USP37: variants seen among roughly 807,000 people sequenced by gnomAD.
USP37 encodes ubiquitin carboxyl-terminal hydrolase 37.
In USP37, 27 loss-of-function variants were observed where a neutral mutation model predicts 124.0. The observed-to-expected ratio is 0.22, with a 90% CI of 0.16 to 0.30. USP37 has a LOEUF of 0.30. Ranked by LOEUF, USP37 falls within the 10% of genes least tolerant of loss-of-function variation. The probability of loss-of-function intolerance (pLI) is 1.00; values close to 1 mark genes in which losing one functional copy is unlikely to be tolerated. For missense variants in USP37, 889 were observed against 1,140.4 expected, an observed-to-expected ratio of 0.78 and a Z score of 3.17; for synonymous variants, 365 against 388.0, an observed-to-expected ratio of 0.94 and a Z score of 0.70.
At chr2:218,539,595 G>A (rs1452491429) in intron 8 of USP37, among the ~76,000 whole-genome samples, 2 of 151,948 alleles carry the variant, frequency 1.3e-5, no homozygotes, top group African/African-American at 4.8e-5. Flanking sequence ...AATGCCTGTA[G>A]TCCCAGCTGC....
intron 25 of USP37, 30 bp from the exon 26 acceptor site, chr2:218,455,047 T>G (rs780310049): frequency 1.2e-6 from 2 of 1,611,350 alleles, no homozygotes; most frequent in African/African-American, 1.3e-5. Context: ...AAAATAAAAC[T>G]GGAAATTTAG....
At chr2:218,535,401 G>A (rs1323382029) in intron 8 of USP37, among the ~76,000 whole-genome samples, 1 of 149,806 alleles carries the variant, frequency 6.7e-6, no homozygotes, top group Non-Finnish European at 1.5e-5. Flanking sequence ...AAGCTTGGCA[G>A]TTTATAGGTT....
At chr2:218,567,924 A>G (rs1188404489) in intron 1 of USP37, among the ~76,000 whole-genome samples, 5 of 152,162 alleles carry the variant, frequency 3.3e-5, no homozygotes, top group Admixed American at 1.3e-4. Flanking sequence ...CAACAGCCCC[A>G]GAGAAAAGGG....
At chr2:218,469,526 CG>C (rs770383890) in intron 20 of USP37, among the ~76,000 whole-genome samples, 2 of 152,096 alleles carry the variant, frequency 1.3e-5, no homozygotes, top group East Asian at 3.9e-4. Flanking sequence ...TACTCAAAAA[CG>C]TGACAGAATA....
At chr2:218,545,854 A>G (rs1692290018) in intron 8 of USP37, among the ~76,000 whole-genome samples, 1 of 151,918 alleles carries the variant, frequency 6.6e-6, no homozygotes, top group African/African-American at 2.4e-5. Flanking sequence ...TTACATGAGT[A>G]AAATGAAAAA....
chr2:218,468,257 T>C (rs976179061), intron 20 of USP37, among the ~76,000 whole-genome samples: 1 of 151,520 alleles, frequency 6.6e-6, no homozygotes, highest in Non-Finnish European at 1.5e-5. Flanking sequence ...CAGACTGGAG[T>C]GCAAGGGCGT....
At chr2:218,531,803 T>C (rs567963585) in intron 9 of USP37, among the ~76,000 whole-genome samples, 21 of 152,358 alleles carry the variant, frequency 1.4e-4, no homozygotes, top group African/African-American at 5.0e-4. Flanking sequence ...TCAGTGGAGA[T>C]GCAGTCAACT....
At chr2:218,522,729 A>C (rs1690728299) in intron 10 of USP37, among the ~76,000 whole-genome samples, 1 of 151,794 alleles carries the variant, frequency 6.6e-6, no homozygotes, top group South Asian at 2.1e-4. Flanking sequence ...TATGTCCCTT[A>C]GTAATCCTTT....
At chr2:218,534,387 G>A (rs1339031794) in intron 9 of USP37, among the ~76,000 whole-genome samples, 1 of 152,204 alleles carries the variant, frequency 6.6e-6, no homozygotes, top group Admixed American at 6.5e-5. Context: ...TACTTGAGAG[G>A]CTGAGGCAGG....
In USP37 at chr2:218,510,015, A is replaced by C. The variant is rs762949656; in HGVS notation, c.989T>G (p.Val330Gly). The C allele has an allele frequency of 5.5e-5, 87 of 1,594,142 alleles. No homozygotes were observed. The highest frequency in any genetic ancestry group is 7.2e-5 in the Non-Finnish European group (84 of 1,166,202). ...CTGCTGTTGGTGAGAGGAAAGGGGC[A>C]CTCTTGGTTTATTCCAGCCAGTGTA... ...QDYTGWNKPR[V>G]PLSSHQQQQL... The change falls in exon 11 of 26, where the codon GTG (valine) becomes GGG (glycine). Residue 330 changes from valine to glycine, a missense_variant. Val to Gly is a moderately radical substitution (Grantham distance 109). This residue lies in a region of USP37 where 374 missense variants were observed against 386.0 expected (regional missense o/e 0.97). Transcript: ENST00000258399.
At chr2:218,549,716 C>T (rs1692560920) in intron 6 of USP37, 93 bp downstream of exon 6, 7 of 1,177,218 alleles carry the variant, frequency 5.9e-6, no homozygotes, top group South Asian at 3.0e-5. Context: ...CCACCCGCCT[C>T]GGCCTCCCAA....
chr2:218,543,501 CAAAAAAAAAAA>C (rs35321679), intron 8 of USP37, among the ~76,000 whole-genome samples: 31 of 36,936 alleles, frequency 8.4e-4, no homozygotes, highest in Admixed American at 1.5e-3. Context: ...GACTCCGTCT[CAAAAAAAAAAA>C]AAAAAAAAAA....
intron 2 of USP37, among the ~76,000 whole-genome samples, chr2:218,561,805 G>A (rs1026489865): frequency 1.3e-5 from 2 of 152,086 alleles, no homozygotes; most frequent in East Asian, 3.8e-4. Flanking sequence ...GTGACGTAGA[G>A]GCCCTTCAGG....
chr2:218,455,086 A>G, intron 25 of USP37, 69 bp from the exon 26 acceptor site: 1 of 1,580,576 alleles, frequency 6.3e-7, no homozygotes. Context: ...AGGCAGGAGA[A>G]AAAGTAAAAT....
At chr2:218,556,644 G>C (rs1444582557) in intron 4 of USP37, among the ~76,000 whole-genome samples, 1 of 150,292 alleles carries the variant, frequency 6.7e-6, no homozygotes, top group Admixed American at 6.7e-5. Context: ...CTCCCGAGTA[G>C]CTGGGAATAC....
intron 14 of USP37, among the ~76,000 whole-genome samples, chr2:218,493,232 A>G (rs1329820535): frequency 6.6e-6 from 1 of 152,200 alleles, no homozygotes; most frequent in African/African-American, 2.4e-5. Flanking sequence ...TCAGCCAGAA[A>G]CTACTTTGTG....
intron 6 of USP37, 45 bp from the exon 7 acceptor site, chr2:218,547,136 G>T: frequency 1.3e-6 from 2 of 1,540,698 alleles, no homozygotes; most frequent in South Asian, 1.2e-5. Flanking sequence ...AAATTAACTG[G>T]AATACTTTTA....
chr2:218,463,388 C>T (rs1208037491), intron 21 of USP37, 22 bp from the exon 22 acceptor site: 3 of 1,611,436 alleles, frequency 1.9e-6, no homozygotes, highest in African/African-American at 1.3e-5. Flanking sequence ...AGAACAAAAA[C>T]TAAGGTATTT....
At chr2:218,539,094 A>C (rs1691826143) in intron 8 of USP37, among the ~76,000 whole-genome samples, 1 of 151,922 alleles carries the variant, frequency 6.6e-6, no homozygotes, top group Non-Finnish European at 1.5e-5. Context: ...TAGCCTCCCA[A>C]GTAGCTGGGA....
Sources: allele counts gnomAD v4.1 joint callset (sites outside exome capture counted in the v4.1 genomes callset), GRCh38; gene constraint gnomAD v4.1.1; regional missense constraint gnomAD v4.1.1; transcripts MANE v1.5; gene names NCBI Gene and HGNC (gene_info 2026-07-23, HGNC 2026-07-21).